Variants in PLAGL1 observed in about 807,000 individuals in gnomAD.
PLAGL1 encodes the protein zinc finger protein PLAGL1.
A neutral mutation model predicts 4.6 loss-of-function variants in PLAGL1; 1 was observed. That is an observed-to-expected ratio of 0.22 (90% CI 0.08 to 1.03). The LOEUF (loss-of-function observed/expected upper bound fraction) is 1.03, where lower values mean the gene tolerates loss of function less well. Among genes scored for constraint, PLAGL1 ranks in the 50% least tolerant of loss-of-function variants. The pLI is 0.58. For missense variants in PLAGL1, 464 were observed against 570.4 expected, an observed-to-expected ratio of 0.81 and a Z score of 1.90; for synonymous variants, 240 against 237.8, an observed-to-expected ratio of 1.01 and a Z score of -0.08.
At chr6:144,044,155 G>A (rs545238774) in intron 1 of PLAGL1, among the ~76,000 whole-genome samples, 71 of 152,064 alleles carry the variant, frequency 4.7e-4, no homozygotes, top group African/African-American at 1.7e-3. Context: ...TTTTTTGAAG[G>A]GTTTTTTGTG....
chr6:144,028,336 G>A (rs961795403), intron 1 of PLAGL1, among the ~76,000 whole-genome samples: 1 of 152,110 alleles, frequency 6.6e-6, no homozygotes, highest in Admixed American at 6.5e-5. Context: ...ACAGCTCCAA[G>A]GGTAAACACA....
rs972209995 is a variant in PLAGL1, at chr6:143,964,255, G to C, written c.-399+532C>G. Among the ~76,000 whole-genome samples the C allele has an allele frequency of 6.6e-6, 1 of 152,260 alleles. No homozygotes were observed. The highest frequency in any genetic ancestry group is 2.4e-5 in the African/African-American group (1 of 41,534). The stretch of plus-strand genomic sequence containing the variant: ...CAGGAGGTTTCCAGCCCTCACTGGC[G>C]GCCCTGGGGCAGACAGCTACAAGGA... On this transcript the variant is annotated intron_variant, in intron 5 of 7. Transcript: ENST00000674357. This position sits in a 1 kb window ranked among gnomAD's most constrained non-coding sequence, Gnocchi z 4.3.
rs1408743890 is a variant in PLAGL1, at chr6:144,015,813, A to T, written c.-150-46835T>A. 6.6e-6 allele frequency among the ~76,000 whole-genome samples: 1 copy of T among 152,230 alleles called. No individual in the cohort carries two copies. The highest frequency in any genetic ancestry group is 1.5e-5 in the Non-Finnish European group (1 of 68,040). On this transcript the variant is annotated intron_variant, in intron 1 of 3. Transcript: ENST00000437412. This position sits in a 1 kb window ranked among gnomAD's most constrained non-coding sequence, Gnocchi z 4.3. ...AAATGATACAGCCACTTTGGAAAAC[A>T]GTTTGAAAGTTTCTTATAAAGTTAA... is the stretch of plus-strand genomic sequence containing the variant.
rs753866564 is a variant in PLAGL1 at position 143,941,252 on chromosome 6, A to G, written c.*172T>C. 1.9e-5 allele frequency: 10 copies of G among 516,910 alleles called. No homozygotes were observed. The Admixed American group carries it at 2.2e-4, about 11-fold the overall frequency. The allele number at this position is 516,910 out of a possible 1,614,324, so 32.0% of individuals were successfully genotyped here. On this transcript the variant is annotated 3_prime_UTR_variant, in exon 8 of 8. Coordinates refer to ENST00000674357, the MANE Select transcript of PLAGL1 (RefSeq NM_001317162.2). This position sits in a 1 kb window ranked among gnomAD's most constrained non-coding sequence, Gnocchi z 6.0. ...GGTACAAAGCATGAACACTCAGGAC[A>G]GATTGGCACAATACATGCAGTTCGA... is the stretch of plus-strand genomic sequence containing the variant.
chr6:143,966,704 A>G lies in PLAGL1; in HGVS notation c.-471-506T>C, dbSNP rs187594285. On this transcript the variant is annotated intron_variant, in intron 3 of 7. Coordinates refer to ENST00000674357, the MANE Select transcript of PLAGL1 (RefSeq NM_001317162.2). This position sits in a 1 kb window ranked among gnomAD's most constrained non-coding sequence, Gnocchi z 6.0. ...AATTAAGTTATTCCCCAAATAAAGT[A>G]TTCTTTGTTATAGTATAAGCATGCA... is the stretch of plus-strand genomic sequence containing the variant. The G allele has an allele frequency of 7.9e-5, 12 of 152,332 alleles. No homozygotes were observed. In the East Asian group the frequency reaches 2.3e-3, roughly 29 times the overall value. 9.4% of individuals were successfully genotyped at this position (152,332 alleles called of 1,614,324 possible).
rs906870288 is a variant in PLAGL1, at chr6:143,985,126, T to C, written c.-544+9A>G. ...GAAGAGGATAAAAGAAACTGAAATA[T>C]CAGCTTACAAAAGCCAATCACGATG... On this transcript the variant is annotated intron_variant, in intron 2 of 7. Coordinates refer to ENST00000674357, the MANE Select transcript of PLAGL1 (RefSeq NM_001317162.2). This position sits in a 1 kb window ranked among gnomAD's most constrained non-coding sequence, Gnocchi z 4.4. 3 of 152,174 alleles carry C rather than the reference T, an allele frequency of 2.0e-5. No homozygotes were observed. Among genetic ancestry groups the C allele is most frequent in the African/African-American group, 7.2e-5 (3 of 41,450 alleles). The allele number at this position is 152,174 out of a possible 1,614,324, so 9.4% of individuals were successfully genotyped here. A position where few individuals can be genotyped will look rare whatever the true frequency, so the allele number is the denominator to read the frequency against.
intron 1 of PLAGL1, among the ~76,000 whole-genome samples, chr6:144,028,034 A>G (rs570752125): frequency 8.5e-5 from 13 of 152,350 alleles, no homozygotes; most frequent in African/African-American, 2.9e-4. Flanking sequence ...TCAGCACCTC[A>G]AACAATTTAA....
At position 144,062,853 on chromosome 6, in the gene PLAGL1, C is replaced by T. The variant is rs373265344; in HGVS notation, c.-151+1615G>A. Among the ~76,000 whole-genome samples the T allele has an allele frequency of 1.3e-3, 205 of 152,300 alleles. 1 individual carries two copies. The highest frequency in any genetic ancestry group is 4.7e-3 in the African/African-American group (194 of 41,554). The stretch of plus-strand genomic sequence containing the variant: ...CACATTTAGCAGAAAAACATGCAGC[C>T]TTCAGACAGACCGGGGTTACCATAG... On this transcript the variant is annotated intron_variant, in intron 1 of 3. Coordinates refer to the PLAGL1 transcript ENST00000437412.
intron 1 of PLAGL1, among the ~76,000 whole-genome samples, chr6:144,054,725 C>T (rs948942715): frequency 3.3e-5 from 5 of 151,090 alleles, no homozygotes; most frequent in South Asian, 4.2e-4. Flanking sequence ...CAAACCTGCA[C>T]GTTGTACCCA....
intron 1 of PLAGL1, among the ~76,000 whole-genome samples, chr6:144,003,624 A>G (rs1374215061): frequency 1.2e-4 from 1 of 8,228 alleles, no homozygotes; most frequent in African/African-American, 2.0e-4. Context: ...ACTCCATCTC[A>G]AAAAAAAAAA....
rs1439321441 is a variant in PLAGL1, at chr6:143,995,092, A to G, written c.-583-9918T>C. 6.6e-6 allele frequency among the ~76,000 whole-genome samples: 1 copy of G among 152,096 alleles called. No individual in the cohort carries two copies. Among genetic ancestry groups the G allele is most frequent in the Non-Finnish European group, 1.5e-5 (1 of 68,030 alleles). ...CTTATTAACTGTCTGATATTGGGAA[A>G]GGCTTCATTCTTTCTCAGCCAAAAT... is the stretch of plus-strand genomic sequence containing the variant. On this transcript the variant is annotated intron_variant, in intron 1 of 7. Coordinates refer to ENST00000674357, the MANE Select transcript of PLAGL1 (RefSeq NM_001317162.2). This position sits in a 1 kb window ranked among gnomAD's most constrained non-coding sequence, Gnocchi z 4.4.
upstream of PLAGL1, among the ~76,000 whole-genome samples, chr6:144,009,276 C>G (rs1351930955): frequency 6.6e-6 from 1 of 152,210 alleles, no homozygotes; most frequent in African/African-American, 2.4e-5. Context: ...TGTCTTAATT[C>G]TATCTTTAAA....
rs1417349430 is a variant in PLAGL1, at chr6:144,027,213, G to A, written c.-151+37255C>T. 1.5e-5 allele frequency among the ~76,000 whole-genome samples: 2 copies of A among 129,752 alleles called. No individual in the cohort carries two copies. Among genetic ancestry groups the A allele is most frequent in the African/African-American group, 6.7e-5 (2 of 30,068 alleles). 85.1% of individuals were successfully genotyped at this position (129,752 alleles called of 152,430 possible). On this transcript the variant is annotated intron_variant, in intron 1 of 3. Transcript: ENST00000437412. This position sits in a 1 kb window ranked among gnomAD's most constrained non-coding sequence, Gnocchi z 5.8. The stretch of plus-strand genomic sequence containing the variant: ...CACTCCAGCTTGGGTGACAGAGAAA[G>A]ACCCCAACTCAAAGAACGAACGAAA...
chr6:144,037,708 T>C (rs1450316625), intron 1 of PLAGL1: 1 of 152,366 alleles, frequency 6.6e-6, no homozygotes, highest in Admixed American at 6.5e-5. Context: ...TGAACTATGT[T>C]TTTTATTTCT....
At chr6:144,009,016 C>A (rs1794917316), upstream of PLAGL1, among the ~76,000 whole-genome samples, 1 of 152,062 alleles carries the variant, frequency 6.6e-6, no homozygotes, top group Admixed American at 6.5e-5. Context: ...TGCTTTCTTC[C>A]CTAAAAGACG....
chr6:144,051,132 C>A (rs1014438181), intron 1 of PLAGL1, among the ~76,000 whole-genome samples: 2 of 152,162 alleles, frequency 1.3e-5, no homozygotes, highest in African/African-American at 2.4e-5. Flanking sequence ...CAGATAATGT[C>A]TAGGAAATCA....
At chr6:144,020,814 A>ATATAT (rs902487903) in intron 1 of PLAGL1, among the ~76,000 whole-genome samples, 2 of 145,884 alleles carry the variant, frequency 1.4e-5, no homozygotes, top group African/African-American at 5.0e-5. Flanking sequence ...ATATATATTT[A>ATATAT]TATATTATAT....
At chr6:144,019,127 A>T (rs1455185489) in intron 1 of PLAGL1, among the ~76,000 whole-genome samples, 1 of 152,176 alleles carries the variant, frequency 6.6e-6, no homozygotes, top group African/African-American at 2.4e-5. Flanking sequence ...ATGAGATTAC[A>T]ACCACTAAAC....
intron 3 of PLAGL1, chr6:143,967,401 A>C (rs1460582197): frequency 1.3e-5 from 2 of 152,114 alleles, no homozygotes; most frequent in African/African-American, 4.8e-5. Flanking sequence ...TCAGAGTATA[A>C]ATAATGGATT....
Sources: allele counts gnomAD v4.1 joint callset (sites outside exome capture counted in the v4.1 genomes callset), GRCh38; gene constraint gnomAD v4.1.1; non-coding constraint Gnocchi (gnomAD v3.1); transcripts MANE v1.5; gene names NCBI Gene and HGNC (gene_info 2026-07-23, HGNC 2026-07-21).